The following TYW3 variants were observed in gnomAD, a reference collection of about 807,000 sequenced individuals.
TYW3 encodes tRNA wybutosine-synthesizing protein 3 homolog.
In TYW3, 26 loss-of-function variants were observed where a neutral mutation model predicts 23.1. The ratio of observed to expected loss-of-function variants is 1.13; its 90% confidence interval spans 0.83 to 1.56. The LOEUF (loss-of-function observed/expected upper bound fraction) is 1.56. Ranked by LOEUF, TYW3 falls within the 40% of genes most tolerant of loss-of-function variation. The probability of loss-of-function intolerance (pLI) is 0.00; values close to 1 mark genes in which losing one functional copy is unlikely to be tolerated. For missense variants in TYW3, 316 were observed against 311.9 expected, an observed-to-expected ratio of 1.01 and a Z score of -0.10; for synonymous variants, 102 against 105.7, an observed-to-expected ratio of 0.97 and a Z score of 0.21.
rs368079171 is a variant in TYW3, at chr1:74,736,463, C to G, written c.175-79C>G. 9.6e-4 allele frequency: 927 copies of G among 961,354 alleles called. 18 individuals are homozygous for G. The South Asian group carries it at 0.02, about 20-fold the overall frequency. 59.6% of individuals were successfully genotyped at this position (961,354 alleles called of 1,614,324 possible). A position where few individuals can be genotyped will look rare whatever the true frequency, so the allele number is the denominator to read the frequency against. On this transcript the variant is annotated intron_variant, in intron 1 of 5. Transcript: ENST00000370867. ...CTTGGGATTATTAATTTAAGAAAGC[C>G]TACAATATACTATGCATTATGCTTA...
At chr1:74,756,302 AG>A (rs1204263322) in intron 5 of TYW3, among the ~76,000 whole-genome samples, 1 of 152,206 alleles carries the variant, frequency 6.6e-6, no homozygotes, top group Admixed American at 6.5e-5. Context: ...AGAAGAAGAC[AG>A]GAAAATGTGG....
intron 5 of TYW3, among the ~76,000 whole-genome samples, chr1:74,756,139 G>A (rs28557039): frequency 0.049 from 7,454 of 152,166 alleles, 362 homozygotes; most frequent in African/African-American, 0.12. Context: ...TAAATTGCCC[G>A]GTCTCGGGTA....
In TYW3 at chr1:74,738,731, A is replaced by G. The variant is rs1451446536; in HGVS notation, c.297A>G (p.Lys99=). 6.2e-7 allele frequency: 1 copy of G among 1,609,964 alleles called. No individual in the cohort carries two copies. Among genetic ancestry groups the G allele is most frequent in the South Asian group, 1.1e-5 (1 of 90,586 alleles). The change falls in exon 3 of 6, where the codon AAA becomes AAG. Residue 99 remains lysine (K), a synonymous_variant. Transcript: ENST00000370867. ...AAGCAAATGGTGATGCCACTTTGAA[A>G]TTTGAACCATTTGTTCTTCATGTGC... The part of the protein sequence containing the change: ...LKKANGDATL[K]FEPFVLHVQC...
rs768680130 is a variant in TYW3 at position 74,752,438 on chromosome 1, G to T, written c.560+13G>T. 1.2e-6 allele frequency: 2 copies of T among 1,607,674 alleles called. No homozygotes were observed. Among genetic ancestry groups the T allele is most frequent in the East Asian group, 2.2e-5 (1 of 44,656 alleles). Reference sequence around the variant, plus strand: ...AAAGAATTGAGAGGTATATTAATTGGGTATTTCCATGTTATTCTTATATGC... The same window carrying T: ...AAAGAATTGAGAGGTATATTAATTGTGTATTTCCATGTTATTCTTATATGC... On this transcript the variant is annotated intron_variant, in intron 5 of 5. Coordinates refer to ENST00000370867, the MANE Select transcript of TYW3 (RefSeq NM_138467.3).
chr1:74,747,040 G>C (rs1024248368), intron 3 of TYW3, among the ~76,000 whole-genome samples: 3 of 152,222 alleles, frequency 2.0e-5, no homozygotes, highest in African/African-American at 7.2e-5. Flanking sequence ...GGAGCAAATA[G>C]AACATCATTA....
intron 3 of TYW3, among the ~76,000 whole-genome samples, chr1:74,739,479 TTTC>T (rs1454322687): frequency 6.6e-6 from 1 of 152,254 alleles, no homozygotes. Context: ...TCTGAAAAGC[TTTC>T]TTTAAGCTAA....
chr1:74,739,216 T>C (rs1648264612), intron 3 of TYW3, among the ~76,000 whole-genome samples: 2 of 152,192 alleles, frequency 1.3e-5, no homozygotes, highest in South Asian at 4.1e-4. Context: ...TATATTTATA[T>C]ATAAAACTGA....
intron 4 of TYW3, among the ~76,000 whole-genome samples, chr1:74,751,943 G>A (rs1211662919): frequency 1.3e-5 from 2 of 152,214 alleles, no homozygotes; most frequent in Middle Eastern, 3.4e-3. Context: ...ATTTTCCCTT[G>A]AGATTTCTGT....
At position 74,747,824 on chromosome 1, in the gene TYW3, TA is replaced by T. The variant is rs1367314969; in HGVS notation, c.355-926del. ...ATATATGTGTACACACATATGTATATATATGGGTGCGTATATATGTGTATAC... is the reference window on the plus strand; with the variant it reads ...ATATATGTGTACACACATATGTATATTATGGGTGCGTATATATGTGTATAC... On this transcript the variant is annotated intron_variant, in intron 3 of 5. Coordinates refer to ENST00000370867, the MANE Select transcript of TYW3 (RefSeq NM_138467.3). 1.4e-3 allele frequency among the ~76,000 whole-genome samples: 207 copies of T among 151,700 alleles called. 2 individuals are homozygous for T. Among genetic ancestry groups the T allele is most frequent in the African/African-American group, 4.9e-3 (203 of 41,432 alleles).
At chr1:74,761,652 T>G (rs1056991817) in intron 5 of TYW3, 3 of 152,174 alleles carry the variant, frequency 2.0e-5, no homozygotes, top group African/African-American at 2.4e-5. Flanking sequence ...TAAGTCATTC[T>G]GAACAGGCTG....
intron 2 of TYW3, among the ~76,000 whole-genome samples, chr1:74,737,225 C>G (rs1220607909): frequency 6.6e-6 from 1 of 152,140 alleles, no homozygotes; most frequent in African/African-American, 2.4e-5. Context: ...TTCAGATGTT[C>G]AAATCTTGTC....
At position 74,766,579 on chromosome 1, in the gene TYW3, C is replaced by CAA. The variant is rs1557753883; in HGVS notation, c.*2468_*2469dup. 1 of 151,982 alleles carries CAA rather than the reference C, an allele frequency of 6.6e-6. No homozygotes were observed. Among genetic ancestry groups the CAA allele is most frequent in the East Asian group, 1.9e-4 (1 of 5,182 alleles). 9.4% of individuals were successfully genotyped at this position (151,982 alleles called of 1,614,324 possible). ...TGTACAATAAGCTAAGCATTATTAC[C>CAA]AAAGAGTCAAAAAGTTTTAAGAAAT... On this transcript the variant is annotated 3_prime_UTR_variant, in exon 6 of 6. Transcript: ENST00000370867.
intron 4 of TYW3, among the ~76,000 whole-genome samples, chr1:74,752,032 T>G (rs1426805180): frequency 1.3e-5 from 2 of 152,252 alleles, no homozygotes; most frequent in Admixed American, 1.3e-4. Flanking sequence ...AAAAGTTATT[T>G]GATTCTTTGA....
At chr1:74,738,606 A>AG (rs1648234626) in intron 2 of TYW3, 84 bp from the exon 3 acceptor site, 1 of 840,926 alleles carries the variant, frequency 1.2e-6, no homozygotes, top group East Asian at 2.9e-5. Flanking sequence ...AATTTCTAAG[A>AG]GAAATTGAAG....
At chr1:74,762,387 A>T (rs1319320448) in intron 5 of TYW3, among the ~76,000 whole-genome samples, 1 of 152,164 alleles carries the variant, frequency 6.6e-6, no homozygotes, top group Non-Finnish European at 1.5e-5. Flanking sequence ...AATAGGACAT[A>T]AAAGTAAGAT....
intron 5 of TYW3, among the ~76,000 whole-genome samples, chr1:74,762,650 T>C (rs1268200890): frequency 6.6e-6 from 1 of 152,202 alleles, no homozygotes; most frequent in Non-Finnish European, 1.5e-5. Context: ...TCTGGGTACT[T>C]ACATATATCA....
intron 5 of TYW3, among the ~76,000 whole-genome samples, chr1:74,756,658 G>C (rs1306838642): frequency 6.6e-6 from 1 of 152,182 alleles, no homozygotes; most frequent in Non-Finnish European, 1.5e-5. Context: ...GCATGACAAT[G>C]TGATAGAAAA....
chr1:74,733,524 T>C, intron 1 of TYW3, 106 bp downstream of exon 1: 3 of 1,480,852 alleles, frequency 2.0e-6, no homozygotes, highest in Non-Finnish European at 2.7e-6. Context: ...TGTTTGCTCC[T>C]CTGAGGGGTG....
chr1:74,743,733 T>G (rs1246852821), intron 3 of TYW3, among the ~76,000 whole-genome samples: 1 of 152,158 alleles, frequency 6.6e-6, no homozygotes, highest in Non-Finnish European at 1.5e-5. Flanking sequence ...GGGGAATTTG[T>G]CCCTTTCTTC....
Sources: gnomAD v4.1 joint callset for allele counts (sites outside exome capture counted in the v4.1 genomes callset) on GRCh38, gnomAD v4.1.1 for gene constraint, MANE v1.5 for transcripts, NCBI Gene and HGNC (gene_info 2026-07-23, HGNC 2026-07-21) for gene names.